The following PDXDC1 variants were observed in gnomAD, a reference collection of about 807,000 sequenced individuals.
PDXDC1 encodes the protein pyridoxal dependent decarboxylase domain containing 1.
PDXDC1 carries 42 observed loss-of-function variants against 100.1 expected under a neutral mutation model. That is an observed-to-expected ratio of 0.42 (90% CI 0.33 to 0.54). The LOEUF is 0.54. Among genes scored for constraint, PDXDC1 ranks in the 20% least tolerant of loss-of-function variants. The pLI is 0.10. For synonymous variants in PDXDC1, 260 were observed against 371.7 expected (o/e 0.70, Z 3.46); for missense variants, 636 against 979.2 (o/e 0.65, Z 4.68).
intron 19 of PDXDC1, among the ~76,000 whole-genome samples, chr16:15,033,755 A>G (rs978452104): frequency 1.9e-4 from 29 of 152,138 alleles, no homozygotes; most frequent in African/African-American, 6.0e-4. Flanking sequence ...GGTGAATGAA[A>G]TGGGCTGTTG....
chr16:15,015,752 A>G (rs564639920), intron 8 of PDXDC1: 2 of 343,170 alleles, frequency 5.8e-6, no homozygotes, highest in South Asian at 3.8e-5. Flanking sequence ...GCTTGTGAAC[A>G]TAACTTTAAA....
chr16:15,111,186 T>A (rs9745697), intron 16 of PDXDC1, among the ~76,000 whole-genome samples: 1 of 147,838 alleles, frequency 6.8e-6, no homozygotes, highest in Non-Finnish European at 1.5e-5. Context: ...GGCTGGCATG[T>A]TGGCTCACTC....
intron 16 of PDXDC1, among the ~76,000 whole-genome samples, chr16:15,098,376 T>C (rs1250711949): frequency 6.6e-6 from 1 of 151,572 alleles, no homozygotes; most frequent in African/African-American, 2.4e-5. Flanking sequence ...AATTTTTGTA[T>C]TTTTAGTAGA....
downstream of PDXDC1, among the ~76,000 whole-genome samples, chr16:15,143,414 G>A (rs371279498): frequency 7.0e-3 from 1,072 of 152,326 alleles, 11 homozygotes; most frequent in African/African-American, 0.023. Context: ...GGGCCAGCCT[G>A]CCGGCCCGAG....
rs533696471 is a variant in PDXDC1, at chr16:15,133,742, T to A, written c.1400-5137T>A. On this transcript the variant is annotated intron_variant, in intron 16 of 16. Coordinates refer to the PDXDC1 transcript ENST00000535621. ...CCCATGGCATCACGGGAGGGCTCCGTGACGTCACAGTCGGGGGATCCCGCT... is the reference window on the plus strand; with the variant it reads ...CCCATGGCATCACGGGAGGGCTCCGAGACGTCACAGTCGGGGGATCCCGCT... 91 of 1,600,672 alleles carry A rather than the reference T, an allele frequency of 5.7e-5. No homozygotes were observed. In the African/African-American group the frequency reaches 1.1e-3, roughly 19 times the overall value.
intron 19 of PDXDC1, among the ~76,000 whole-genome samples, 168 bp downstream of exon 19, chr16:15,033,567 G>C: frequency 6.6e-6 from 1 of 152,234 alleles, no homozygotes; most frequent in East Asian, 1.9e-4. Flanking sequence ...ATGCCAAGTA[G>C]GTTTGACACA....
At chr16:15,094,389 G>T (rs1395621095) in intron 16 of PDXDC1, 6 of 662,800 alleles carry the variant, frequency 9.1e-6, no homozygotes, top group African/African-American at 1.8e-5. Flanking sequence ...CTAGAGCGCC[G>T]CTGAAACCCG....
Position 14,975,027 on chromosome 16 carries a change from T to C in PDXDC1, c.-173T>C. The C allele has an allele frequency of 6.5e-7, 1 of 1,531,660 alleles. No individual in the cohort carries two copies. Among genetic ancestry groups the C allele is most frequent in the African/African-American group, 1.4e-5 (1 of 73,000 alleles). The allele number at this position is 1,531,660 out of a possible 1,614,324, so 94.9% of individuals were successfully genotyped here. A position where few individuals can be genotyped will look rare whatever the true frequency, so the allele number is the denominator to read the frequency against. On this transcript the variant is annotated 5_prime_UTR_variant, in exon 1 of 23. Coordinates refer to ENST00000396410, the MANE Select transcript of PDXDC1 (RefSeq NM_015027.4). ...CGCTACGGGGCCCCGCCCCGCCGCC[T>C]CTCAACCATCAGGTTCGGCAGCCCG...
intron 1 of PDXDC1, chr16:14,988,645 G>A: frequency 6.2e-7 from 1 of 1,613,850 alleles, no homozygotes; most frequent in Non-Finnish European, 8.5e-7. Flanking sequence ...GACTCGTGTA[G>A]GTAGGGCTTG....
intron 1 of PDXDC1, among the ~76,000 whole-genome samples, chr16:14,991,558 GCTCTGTCA>G (rs1970844909): frequency 2.1e-5 from 3 of 140,656 alleles, no homozygotes; most frequent in Admixed American, 7.5e-5. Flanking sequence ...ACAGGTTGTT[GCTCTGTCA>G]CCCAGGCAGT....
chr16:15,013,350 AAAAAAAAAG>A (rs1292870774), intron 8 of PDXDC1, among the ~76,000 whole-genome samples: 6 of 145,352 alleles, frequency 4.1e-5, no homozygotes, highest in African/African-American at 7.5e-5. Flanking sequence ...CCCTATCTCA[AAAAAAAAAG>A]AAAAAAAAAA....
intron 16 of PDXDC1, among the ~76,000 whole-genome samples, chr16:15,096,089 T>C (rs555724898): frequency 8.6e-5 from 13 of 151,974 alleles, no homozygotes; most frequent in African/African-American, 3.1e-4. Context: ...CAACATAAAA[T>C]ACAGCAATTT....
intron 16 of PDXDC1, among the ~76,000 whole-genome samples, chr16:15,071,523 T>C (rs1014875592): frequency 2.0e-5 from 3 of 152,098 alleles, no homozygotes; most frequent in Non-Finnish European, 4.4e-5. Flanking sequence ...ATCCCAGCAC[T>C]TTGGGAGGCC....
intron 5 of PDXDC1, among the ~76,000 whole-genome samples, chr16:15,004,581 T>C (rs1234427702): frequency 6.6e-6 from 1 of 152,288 alleles, no homozygotes; most frequent in Non-Finnish European, 1.5e-5. Context: ...GAAGCACATA[T>C]GTGTTTGATA....
chr16:15,135,999 C>A, intron 16 of PDXDC1: 1 of 1,550,976 alleles, frequency 6.4e-7, no homozygotes, highest in East Asian at 2.3e-5. Context: ...AGATGCAGTG[C>A]TCGGCTGTGG....
chr16:15,014,858 A>C (rs1304500608), intron 8 of PDXDC1, among the ~76,000 whole-genome samples: 1 of 152,408 alleles, frequency 6.6e-6, no homozygotes, highest in East Asian at 1.9e-4. Flanking sequence ...AAAGTGCTTA[A>C]TATGCTTAAG....
At chr16:15,139,757 G>A (rs958955740), downstream of PDXDC1, among the ~76,000 whole-genome samples, 1 of 152,102 alleles carries the variant, frequency 6.6e-6, no homozygotes, top group Non-Finnish European at 1.5e-5. Context: ...GTCCAGCCTG[G>A]GCGACAGAGC....
At chr16:15,076,787 C>T in intron 16 of PDXDC1, 1 of 646,274 alleles carries the variant, frequency 1.5e-6, no homozygotes, top group Non-Finnish European at 2.8e-6. Context: ...CAACACAATA[C>T]ACAATTATGG....
chr16:15,110,585 G>C lies in PDXDC1; in HGVS notation c.1400-28294G>C, dbSNP rs1292895309. The C allele has an allele frequency of 5.7e-6, 9 of 1,584,458 alleles. 1 individual carries two copies. The South Asian group carries it at 7.8e-5, about 14-fold the overall frequency. ...TGGAAAGGAAGAAACTCTTTTCTTT[G>C]TGTGCATACAAATGGACTTCAGCCC... is the stretch of plus-strand genomic sequence containing the variant. On this transcript the variant is annotated intron_variant, in intron 16 of 16. Coordinates refer to the PDXDC1 transcript ENST00000535621.
Sources: allele counts gnomAD v4.1 joint callset (sites outside exome capture counted in the v4.1 genomes callset), GRCh38; gene constraint gnomAD v4.1.1; transcripts MANE v1.5; gene names NCBI Gene and HGNC (gene_info 2026-07-23, HGNC 2026-07-21).